Variants in GNG7 observed in about 807,000 individuals in gnomAD.
GNG7 encodes guanine nucleotide-binding protein G(I)/G(S)/G(O) subunit gamma-7.
GNG7 carries 1 observed loss-of-function variant against 4.0 expected under a neutral mutation model. That is an observed-to-expected ratio of 0.25 (90% CI 0.09 to 1.18). The LOEUF is 1.18. Ranked by LOEUF, GNG7 falls within the 50% of genes most tolerant of loss-of-function variation. The pLI, the probability that GNG7 is intolerant of heterozygous loss-of-function variation, is 0.50. For synonymous variants in GNG7, 34 were observed against 36.9 expected (o/e 0.92, Z 0.29); for missense variants, 86 against 91.9 (o/e 0.94, Z 0.26).
intron 2 of GNG7, among the ~76,000 whole-genome samples, chr19:2,644,327 TTATA>T (rs56143197): frequency 3.2e-3 from 360 of 113,818 alleles, no homozygotes; most frequent in Admixed American, 5.3e-3. Flanking sequence ...GGCCTACACT[TTATA>T]TATATATATA....
chr19:2,560,754 C>G (rs1442409168), intron 2 of GNG7, among the ~76,000 whole-genome samples: 1 of 151,888 alleles, frequency 6.6e-6, no homozygotes. Flanking sequence ...GTCAGGAGTT[C>G]GAGACCAGCC....
chr19:2,689,794 T>A (rs1338622125), intron 1 of GNG7, among the ~76,000 whole-genome samples: 1 of 152,074 alleles, frequency 6.6e-6, no homozygotes, highest in Non-Finnish European at 1.5e-5. Context: ...GACCTCAGTT[T>A]TCCCATGCAT....
At chr19:2,638,239 T>C (rs1001338167) in intron 2 of GNG7, among the ~76,000 whole-genome samples, 2 of 150,996 alleles carry the variant, frequency 1.3e-5, no homozygotes, top group Admixed American at 1.3e-4. Flanking sequence ...GGCATGCACC[T>C]GTAATCCCAG....
chr19:2,678,609 T>G (rs1277728972), intron 1 of GNG7, among the ~76,000 whole-genome samples: 2 of 151,856 alleles, frequency 1.3e-5, no homozygotes, highest in Non-Finnish European at 2.9e-5. Context: ...CGGTTTCAGT[T>G]TCCCCATCCA....
intron 2 of GNG7, chr19:2,631,952 AG>A (rs1485197235): frequency 6.6e-6 from 1 of 152,284 alleles, no homozygotes; most frequent in Non-Finnish European, 1.5e-5. Flanking sequence ...GAACCAGCCA[AG>A]GCAGACTACA....
At chr19:2,690,337 C>T (rs1393998975) in intron 1 of GNG7, among the ~76,000 whole-genome samples, 1 of 152,082 alleles carries the variant, frequency 6.6e-6, no homozygotes, top group Non-Finnish European at 1.5e-5. Flanking sequence ...GCCGAGATCA[C>T]ACCACTGCAC....
At chr19:2,568,570 C>A (rs1290124496) in intron 2 of GNG7, among the ~76,000 whole-genome samples, 1 of 149,710 alleles carries the variant, frequency 6.7e-6, no homozygotes, top group Non-Finnish European at 1.5e-5. Flanking sequence ...CATATACACA[C>A]ATACACATGC....
chr19:2,518,642 C>T (rs1978293771), intron 4 of GNG7, among the ~76,000 whole-genome samples: 2 of 152,114 alleles, frequency 1.3e-5, no homozygotes, highest in African/African-American at 4.8e-5. Context: ...AAGGGCCGGT[C>T]ACCCCTTCCT....
At chr19:2,571,139 A>G (rs1980133106) in intron 2 of GNG7, among the ~76,000 whole-genome samples, 1 of 148,628 alleles carries the variant, frequency 6.7e-6, no homozygotes, top group Admixed American at 6.7e-5. Flanking sequence ...CACATGCACC[A>G]ATAACAGGAT....
chr19:2,575,149 G>A (rs949822409), intron 2 of GNG7, among the ~76,000 whole-genome samples: 4 of 146,482 alleles, frequency 2.7e-5, no homozygotes, highest in African/African-American at 5.2e-5. Flanking sequence ...CAGTGGCACC[G>A]TCATAGCTTA....
intron 4 of GNG7, among the ~76,000 whole-genome samples, chr19:2,519,270 C>A (rs1415301872): frequency 6.6e-6 from 1 of 150,656 alleles, no homozygotes; most frequent in African/African-American, 2.4e-5. Flanking sequence ...CCTGCCTCAG[C>A]CTCCCAAATA....
chr19:2,529,714 GTT>G (rs916223036), intron 3 of GNG7, among the ~76,000 whole-genome samples: 14 of 152,334 alleles, frequency 9.2e-5, no homozygotes, highest in African/African-American at 3.4e-4. Context: ...GGGACTGTGA[GTT>G]GCATCAGCCT....
At chr19:2,541,151 T>G (rs1299551719) in intron 3 of GNG7, among the ~76,000 whole-genome samples, 1 of 151,962 alleles carries the variant, frequency 6.6e-6, no homozygotes, top group African/African-American at 2.4e-5. Context: ...GCAGGGAAGG[T>G]CCTGAGTCCC....
At chr19:2,526,294 G>A (rs1978393617) in intron 3 of GNG7, among the ~76,000 whole-genome samples, 1 of 149,622 alleles carries the variant, frequency 6.7e-6, no homozygotes, top group Admixed American at 6.7e-5. Context: ...TAATAGAGAC[G>A]GGGTTTCCCC....
chr19:2,641,087 C>T (rs887644527), intron 2 of GNG7, among the ~76,000 whole-genome samples: 2 of 152,214 alleles, frequency 1.3e-5, no homozygotes, highest in East Asian at 1.9e-4. Context: ...AGAAGGGACT[C>T]GGGTCCCGCA....
At chr19:2,646,630 A>G (rs1236985483) in intron 1 of GNG7, among the ~76,000 whole-genome samples, 1 of 152,018 alleles carries the variant, frequency 6.6e-6, no homozygotes, top group Non-Finnish European at 1.5e-5. Context: ...GGGTGCAGTG[A>G]GCTGAGATCG....
In GNG7 at chr19:2,640,562, A is replaced by G. The variant is rs1003950104; in HGVS notation, c.-78+5662T>C. Among the ~76,000 whole-genome samples, 22 of 152,166 alleles carry G rather than the reference A, an allele frequency of 1.4e-4. No homozygotes were observed. In the East Asian group the frequency reaches 1.5e-3, roughly 11 times the overall value. ...CAGGCTTGGCAAGATGCTGAGGCCC[A>G]TCGGTGCTGGGCTGGGGAACTTAGG... is the stretch of plus-strand genomic sequence containing the variant. On this transcript the variant is annotated intron_variant, in intron 2 of 4. Coordinates refer to ENST00000382159, the MANE Select transcript of GNG7 (RefSeq NM_052847.3).
intron 1 of GNG7, among the ~76,000 whole-genome samples, chr19:2,661,245 A>AAAAGAAAGAAAGAAAAG (rs1983138138): frequency 1.1e-5 from 1 of 93,818 alleles, no homozygotes; most frequent in African/African-American, 4.2e-5. Flanking sequence ...AGAAAGAAAG[A>AAAAGAAAGAAAGAAAAG]AAAGAAAGAA....
At chr19:2,556,978 A>G (rs1214232720) in intron 2 of GNG7, among the ~76,000 whole-genome samples, 1 of 152,100 alleles carries the variant, frequency 6.6e-6, no homozygotes, top group Non-Finnish European at 1.5e-5. Flanking sequence ...AGTGACCTAG[A>G]GACATCCAGG....
Sources: gnomAD v4.1 joint callset for allele counts (sites outside exome capture counted in the v4.1 genomes callset) on GRCh38, gnomAD v4.1.1 for gene constraint, MANE v1.5 for transcripts, NCBI Gene and HGNC (gene_info 2026-07-23, HGNC 2026-07-21) for gene names.